Variants in KYNU observed in about 807,000 individuals in gnomAD.
KYNU encodes kynureninase, also known as L-kynurenine hydrolase.
In KYNU, 54 loss-of-function variants were observed where a neutral mutation model predicts 59.2. That is an observed-to-expected ratio of 0.91 (90% CI 0.73 to 1.14). The LOEUF is 1.14. Among genes scored for constraint, KYNU ranks in the 50% most tolerant of loss-of-function variants. The probability of loss-of-function intolerance (pLI) is 0.00; values close to 1 mark genes in which losing one functional copy is unlikely to be tolerated. For synonymous variants in KYNU, 177 were observed against 192.0 expected (o/e 0.92, Z 0.65); for missense variants, 567 against 554.4 (o/e 1.02, Z -0.23).
At chr2:143,006,914 C>G (rs1373273586) in intron 10 of KYNU, among the ~76,000 whole-genome samples, 1 of 151,988 alleles carries the variant, frequency 6.6e-6, no homozygotes, top group Non-Finnish European at 1.5e-5. Context: ...TGTACATCAC[C>G]ATCATCAAAG....
At chr2:142,953,068 T>C (rs896002408) in intron 4 of KYNU, among the ~76,000 whole-genome samples, 2 of 152,220 alleles carry the variant, frequency 1.3e-5, no homozygotes, top group Non-Finnish European at 2.9e-5. Flanking sequence ...GACAGGTTTA[T>C]GCAAACCTAT....
At chr2:142,978,260 C>G (rs1327626939) in intron 8 of KYNU, among the ~76,000 whole-genome samples, 5 of 151,400 alleles carry the variant, frequency 3.3e-5, no homozygotes, top group Admixed American at 3.3e-4. Context: ...CTCCCTATAC[C>G]GTTTTCTTTT....
At chr2:142,928,283 A>C (rs1265880642) in intron 4 of KYNU, among the ~76,000 whole-genome samples, 1 of 152,198 alleles carries the variant, frequency 6.6e-6, no homozygotes, top group African/African-American at 2.4e-5. Context: ...TATTTAAGAT[A>C]GTTTTAGATG....
At chr2:143,027,130 G>T (rs1419895384) in intron 10 of KYNU, among the ~76,000 whole-genome samples, 1 of 152,126 alleles carries the variant, frequency 6.6e-6, no homozygotes, top group Non-Finnish European at 1.5e-5. Flanking sequence ...TAGATTTTCT[G>T]TGCCTGCTGT....
intron 11 of KYNU, among the ~76,000 whole-genome samples, chr2:143,031,092 G>A (rs1686725428): frequency 6.6e-6 from 1 of 152,182 alleles, no homozygotes; most frequent in African/African-American, 2.4e-5. Context: ...TTAAGTCAGG[G>A]ACCATTGGTA....
Position 143,040,410 on chromosome 2 carries a change from T to C in KYNU, c.1042-18T>C. On this transcript the variant is annotated intron_variant, in intron 12 of 13. Transcript: ENST00000264170. ...AAATCAATAAGACACTTTAATCTGA[T>C]TGTTTCTCATTCCACAGATCTTTAA... is the stretch of plus-strand genomic sequence containing the variant. 1 of 1,580,168 alleles carries C rather than the reference T, an allele frequency of 6.3e-7. No homozygotes were observed. The highest frequency in any genetic ancestry group is 2.2e-5 in the East Asian group (1 of 44,700).
intron 2 of KYNU, among the ~76,000 whole-genome samples, chr2:142,909,214 A>G (rs1682401339): frequency 6.6e-6 from 1 of 152,086 alleles, no homozygotes; most frequent in Non-Finnish European, 1.5e-5. Context: ...TGTAGAAGAT[A>G]TAAGCCTTTA....
chr2:142,989,389 G>A, intron 10 of KYNU: 2 of 992,270 alleles, frequency 2.0e-6, no homozygotes, highest in Non-Finnish European at 2.4e-6. Context: ...TGTCCAGTAT[G>A]TAGCCGAGAA....
chr2:142,986,417 A>G (rs1269923074), intron 10 of KYNU, among the ~76,000 whole-genome samples: 1 of 151,944 alleles, frequency 6.6e-6, no homozygotes, highest in African/African-American at 2.4e-5. Flanking sequence ...GTGGCATGTT[A>G]TTATTAAAAT....
rs187113134 is a variant in KYNU at position 143,042,380 on chromosome 2, G to T, written c.*208G>T. On this transcript the variant is annotated 3_prime_UTR_variant, in exon 14 of 14. Coordinates refer to ENST00000264170, the MANE Select transcript of KYNU (RefSeq NM_003937.3). ...GGGCTGCCTAGGTGCTTTGTGTTTG[G>T]GGGACCAAAACTGTGTTGGTTCAAG... The T allele has an allele frequency of 6.0e-6, 3 of 503,712 alleles. No individual in the cohort carries two copies. Among genetic ancestry groups the T allele is most frequent in the African/African-American group, 5.8e-5 (3 of 51,352 alleles). The allele number at this position is 503,712 out of a possible 1,614,324, so 31.2% of individuals were successfully genotyped here. A position where few individuals can be genotyped will look rare whatever the true frequency, so the allele number is the denominator to read the frequency against.
intron 2 of KYNU, among the ~76,000 whole-genome samples, chr2:142,911,371 T>C (rs891192763): frequency 2.4e-4 from 37 of 152,306 alleles, no homozygotes; most frequent in South Asian, 1.0e-3. Flanking sequence ...TAAACATTCT[T>C]GGCATATAGA....
chr2:142,960,556 GA>G, intron 7 of KYNU, 67 bp from the exon 8 acceptor site: 1 of 1,435,016 alleles, frequency 7.0e-7, no homozygotes, highest in Middle Eastern at 1.9e-4. Context: ...GTGAAATTTA[GA>G]TCGGCAATAT....
chr2:143,000,066 A>G (rs946081364), intron 10 of KYNU, among the ~76,000 whole-genome samples: 8 of 152,198 alleles, frequency 5.3e-5, no homozygotes, highest in African/African-American at 9.6e-5. Flanking sequence ...GAAGAAAAAC[A>G]TCATATGAAA....
chr2:142,883,284 C>A (rs533146994), intron 1 of KYNU, among the ~76,000 whole-genome samples: 1 of 150,416 alleles, frequency 6.6e-6, no homozygotes, highest in African/African-American at 2.4e-5. Flanking sequence ...GGCTCCACCC[C>A]CCGGGGTTCA....
rs929815793 is a variant in KYNU at position 143,042,300 on chromosome 2, C to A, written c.*128C>A. 1.5e-5 allele frequency: 14 copies of A among 932,786 alleles called. No homozygotes were observed. The South Asian group carries it at 1.8e-4, about 12-fold the overall frequency. The allele number at this position is 932,786 out of a possible 1,614,324, so 57.8% of individuals were successfully genotyped here. ...CATGTAACTAACAATAAATAATATA[C>A]CTTACAGAAAATCTGATATAATTTT... On this transcript the variant is annotated 3_prime_UTR_variant, in exon 14 of 14. Transcript: ENST00000264170.
chr2:142,910,261 C>T (rs1429514946), intron 2 of KYNU, among the ~76,000 whole-genome samples: 3 of 151,470 alleles, frequency 2.0e-5, no homozygotes, highest in African/African-American at 4.9e-5. Context: ...CTCAGCCTCC[C>T]AAGTATCTGG....
chr2:142,988,890 C>T (rs371112079), intron 10 of KYNU: 1 of 1,607,450 alleles, frequency 6.2e-7, no homozygotes, highest in Non-Finnish European at 8.5e-7. Flanking sequence ...CAGATTTGGA[C>T]AAGTCAAGGA....
At position 142,988,011 on chromosome 2, in the gene KYNU, T is replaced by G. The variant is rs1685270930; in HGVS notation, c.902+1990T>G. Reference sequence around the variant, plus strand: ...TTCCTGAGGCCTTCCCAGTCATGCTTCCTGCACAGCCTGCAAAACCATGAA... The same window carrying G: ...TTCCTGAGGCCTTCCCAGTCATGCTGCCTGCACAGCCTGCAAAACCATGAA... On this transcript the variant is annotated intron_variant, in intron 10 of 13. Coordinates refer to ENST00000264170, the MANE Select transcript of KYNU (RefSeq NM_003937.3). Among the ~76,000 whole-genome samples, 8 of 152,066 alleles carry G rather than the reference T, an allele frequency of 5.3e-5. No individual in the cohort carries two copies. In the South Asian group the frequency reaches 1.7e-3, roughly 32 times the overall value.
chr2:142,969,718 T>G (rs1431076398), intron 8 of KYNU, among the ~76,000 whole-genome samples: 1 of 152,230 alleles, frequency 6.6e-6, no homozygotes, highest in Non-Finnish European at 1.5e-5. Flanking sequence ...GGATCTCTGC[T>G]TCTGCAGCCA....
Sources: allele counts gnomAD v4.1 joint callset (sites outside exome capture counted in the v4.1 genomes callset), GRCh38; gene constraint gnomAD v4.1.1; transcripts MANE v1.5; gene names NCBI Gene and HGNC (gene_info 2026-07-23, HGNC 2026-07-21).